COMMD1: variants seen among roughly 807,000 people sequenced by gnomAD.
The protein encoded by COMMD1 is copper metabolism domain containing 1, also known as COMM domain-containing protein 1.
Under a neutral mutation model 17.2 loss-of-function variants are expected in COMMD1, and 10 were observed. That is an observed-to-expected ratio of 0.58 (90% CI 0.36 to 0.99). The LOEUF (loss-of-function observed/expected upper bound fraction) is 0.99, where lower values mean the gene tolerates loss of function less well. Ranked by LOEUF, COMMD1 falls within the 50% of genes least tolerant of loss-of-function variation. The pLI is 0.01. For missense variants in COMMD1, 270 were observed against 231.8 expected, an observed-to-expected ratio of 1.17 and a Z score of -1.07; for synonymous variants, 97 against 91.6, an observed-to-expected ratio of 1.06 and a Z score of -0.34.
At position 61,912,171 on chromosome 2, in the gene COMMD1, G is replaced by T. The variant is rs151082845; in HGVS notation, c.180+6313G>T. 1.4e-3 allele frequency among the ~76,000 whole-genome samples: 208 copies of T among 152,192 alleles called. 2 individuals carry two copies. The highest frequency in any genetic ancestry group is 0.012 in the Admixed American group (189 of 15,256). On this transcript the variant is annotated intron_variant, in intron 1 of 2. Coordinates refer to ENST00000311832, the MANE Select transcript of COMMD1 (RefSeq NM_152516.4). The stretch of plus-strand genomic sequence containing the variant: ...CTACTAGAATGTAAGCATTAGGAGG[G>T]CAGGACTTTATTATTATTATTGTTT...
intron 1 of COMMD1, among the ~76,000 whole-genome samples, chr2:61,932,351 A>G (rs1382792369): frequency 6.6e-6 from 1 of 152,244 alleles, no homozygotes; most frequent in African/African-American, 2.4e-5. Context: ...CTTATGTTTT[A>G]CAGACCCCTT....
chr2:61,904,843 C>G (rs748246067), upstream of COMMD1, among the ~76,000 whole-genome samples: 1 of 152,330 alleles, frequency 6.6e-6, no homozygotes, highest in Admixed American at 6.5e-5. Context: ...ACTACCCATT[C>G]GTCCCCTTCT....
chr2:62,104,255 G>A (rs1007612792), intron 2 of COMMD1, among the ~76,000 whole-genome samples: 1 of 152,226 alleles, frequency 6.6e-6, no homozygotes, highest in African/African-American at 2.4e-5. Flanking sequence ...CACTTTGGGA[G>A]ACCAAGGCAG....
intron 2 of COMMD1, among the ~76,000 whole-genome samples, chr2:62,054,302 T>C (rs1169467489): frequency 2.0e-5 from 3 of 152,120 alleles, no homozygotes; most frequent in Admixed American, 2.0e-4. Flanking sequence ...CTCAAAGAAC[T>C]AAAAATGGAA....
At chr2:61,969,760 G>A (rs180773613) in intron 1 of COMMD1, among the ~76,000 whole-genome samples, 22 of 152,202 alleles carry the variant, frequency 1.4e-4, no homozygotes, top group Admixed American at 8.5e-4. Context: ...TTAAGTGACT[G>A]GAGAAGCAAA....
chr2:62,033,216 T>C (rs1457702821), intron 2 of COMMD1, among the ~76,000 whole-genome samples: 2 of 152,192 alleles, frequency 1.3e-5, no homozygotes, highest in African/African-American at 4.8e-5. Flanking sequence ...CCAGACCTGA[T>C]TTACTTCTTT....
At chr2:62,095,907 GTATA>G (rs1671995577) in intron 2 of COMMD1, among the ~76,000 whole-genome samples, 1 of 141,584 alleles carries the variant, frequency 7.1e-6, no homozygotes, top group Non-Finnish European at 1.5e-5. Context: ...AATCCTGTGT[GTATA>G]TATACATATA....
chr2:61,926,214 GCCTGCCTCGGCCT>G (rs1174804415), intron 1 of COMMD1, among the ~76,000 whole-genome samples: 2 of 152,064 alleles, frequency 1.3e-5, no homozygotes. Flanking sequence ...CTTGTGATCT[GCCTGCCTCGGCCT>G]CCTGAATTGT....
intron 1 of COMMD1, among the ~76,000 whole-genome samples, chr2:61,968,511 T>A (rs927572872): frequency 2.0e-5 from 3 of 152,194 alleles, no homozygotes; most frequent in Admixed American, 6.5e-5. Flanking sequence ...ATCAGTTTGC[T>A]TTTCTTTTTG....
chr2:61,979,605 C>T (rs1173642731), intron 1 of COMMD1, among the ~76,000 whole-genome samples: 1 of 152,138 alleles, frequency 6.6e-6, no homozygotes, highest in Admixed American at 6.6e-5. Flanking sequence ...CGCGCCCGGC[C>T]TATTTTTAGT....
At chr2:62,104,394 G>A (rs1228839353) in intron 2 of COMMD1, among the ~76,000 whole-genome samples, 2 of 152,036 alleles carry the variant, frequency 1.3e-5, no homozygotes, top group Non-Finnish European at 1.5e-5. Context: ...AGCACTTTGG[G>A]AGGCGGAGGT....
intron 1 of COMMD1, among the ~76,000 whole-genome samples, chr2:61,923,531 A>G (rs773833283): frequency 6.6e-6 from 1 of 152,052 alleles, no homozygotes; most frequent in Non-Finnish European, 1.5e-5. Context: ...TATTTCCACA[A>G]GCAGAATAAG....
intron 2 of COMMD1, among the ~76,000 whole-genome samples, chr2:62,085,932 C>T (rs1020306058): frequency 1.3e-5 from 2 of 151,848 alleles, no homozygotes; most frequent in Non-Finnish European, 2.9e-5. Flanking sequence ...GAGCCCAGAT[C>T]GTGCCACTGC....
intron 1 of COMMD1, among the ~76,000 whole-genome samples, chr2:61,959,932 G>A (rs555709633): frequency 1.1e-4 from 16 of 152,126 alleles, no homozygotes; most frequent in Non-Finnish European, 2.1e-4. Context: ...CACTTTACCC[G>A]ATTGGCTGTT....
chr2:62,022,059 G>T (rs1669625858), intron 2 of COMMD1, among the ~76,000 whole-genome samples: 1 of 152,042 alleles, frequency 6.6e-6, no homozygotes, highest in Non-Finnish European at 1.5e-5. Flanking sequence ...GATTCATGAA[G>T]ATTTACCCCT....
intron 2 of COMMD1, among the ~76,000 whole-genome samples, chr2:62,125,164 C>T (rs145703014): frequency 1.8e-4 from 27 of 152,276 alleles, no homozygotes; most frequent in Admixed American, 1.6e-3. Context: ...AATACTTAGT[C>T]CTTTTCTAGG....
chr2:62,083,535 T>G (rs1324562788), intron 2 of COMMD1, among the ~76,000 whole-genome samples: 1 of 152,168 alleles, frequency 6.6e-6, no homozygotes, highest in Admixed American at 6.5e-5. Flanking sequence ...GTCTCTCTCT[T>G]TCTCTCTCTC....
intron 2 of COMMD1, among the ~76,000 whole-genome samples, chr2:62,135,079 C>T (rs1673155269): frequency 6.6e-6 from 1 of 152,194 alleles, no homozygotes; most frequent in South Asian, 2.1e-4. Flanking sequence ...ATCCAAGGTG[C>T]TGTGGAGACA....
intron 2 of COMMD1, among the ~76,000 whole-genome samples, chr2:62,102,959 C>A (rs974616912): frequency 5.3e-5 from 8 of 151,684 alleles, no homozygotes; most frequent in Non-Finnish European, 1.0e-4. Context: ...CCTTTTTATC[C>A]AATCATATTT....
Sources: allele counts gnomAD v4.1 joint callset (sites outside exome capture counted in the v4.1 genomes callset), GRCh38; gene constraint gnomAD v4.1.1; transcripts MANE v1.5; gene names NCBI Gene and HGNC (gene_info 2026-07-23, HGNC 2026-07-21).